Variants in TTC6 observed in about 807,000 individuals in gnomAD.
TTC6 encodes tetratricopeptide repeat domain 6, also known as tetratricopeptide repeat protein 6.
A neutral mutation model predicts 210.4 loss-of-function variants in TTC6; 172 were observed. That is an observed-to-expected ratio of 0.82 (90% CI 0.72 to 0.93). TTC6 has a LOEUF of 0.93. Among genes scored for constraint, TTC6 ranks in the 40% least tolerant of loss-of-function variants. The pLI is 0.00. For missense variants in TTC6, 2,414 were observed against 2,318.1 expected (o/e 1.04, Z -0.85); for synonymous variants, 804 against 819.6 (o/e 0.98, Z 0.32).
intron 14 of TTC6, among the ~76,000 whole-genome samples, chr14:37,768,540 C>A (rs139865940): frequency 6.6e-6 from 1 of 152,024 alleles, no homozygotes; most frequent in Non-Finnish European, 1.5e-5. Flanking sequence ...TGGATTCCTA[C>A]GTATTTTATT....
chr14:37,827,216 C>T (rs150551453), exon 29 of TTC6: 2 of 1,612,432 alleles, frequency 1.2e-6, no homozygotes, highest in African/African-American at 2.7e-5. Context: ...CAGCAGAATT[C>T]TTAACAAATC....
At chr14:37,725,312 G>GTATGTA (rs1555391404) in intron 7 of TTC6, among the ~76,000 whole-genome samples, 24 of 33,906 alleles carry the variant, frequency 7.1e-4, no homozygotes, top group African/African-American at 2.0e-3. Flanking sequence ...GTGTGTGTGT[G>GTATGTA]TATATATATA....
At chr14:37,743,539 G>A (rs1196631740) in intron 10 of TTC6, among the ~76,000 whole-genome samples, 1 of 152,190 alleles carries the variant, frequency 6.6e-6, no homozygotes, top group East Asian at 1.9e-4. Context: ...GGATGTTTAT[G>A]TGGGAATATA....
At chr14:37,760,378 T>C (rs2095980473) in intron 14 of TTC6, among the ~76,000 whole-genome samples, 1 of 152,164 alleles carries the variant, frequency 6.6e-6, no homozygotes, top group Admixed American at 6.5e-5. Context: ...GGAACCTTTG[T>C]CCCAGAGGGG....
rs112045882 is a variant in TTC6, at chr14:37,721,298, G to T, written c.1714-3600G>T. On this transcript the variant is annotated intron_variant, in intron 6 of 30. Transcript: ENST00000553443. ...TTATTTCAAATAACATCACACATTGGTTATTTGGAAAATACTCTTCAGTTA... is the reference window on the plus strand; with the variant it reads ...TTATTTCAAATAACATCACACATTGTTTATTTGGAAAATACTCTTCAGTTA... Among the ~76,000 whole-genome samples the T allele has an allele frequency of 7.5e-3, 1,145 of 152,080 alleles. 7 individuals carry two copies. Among genetic ancestry groups the T allele is most frequent in the Middle Eastern group, 0.044 (13 of 294 alleles).
At chr14:37,792,445 T>C in intron 17 of TTC6, 31 bp downstream of exon 19, 5 of 1,432,572 alleles carry the variant, frequency 3.5e-6, no homozygotes, top group Admixed American at 3.2e-5. Flanking sequence ...TTGATTTTTT[T>C]AAAAAAACTT....
At chr14:37,682,887 G>C (rs2095787020) in exon 3 of TTC6, 2 of 1,535,564 alleles carry the variant, frequency 1.3e-6, no homozygotes, top group African/African-American at 2.7e-5. Context: ...AGTTCAGCCA[G>C]CAGAGGAATT....
At chr14:37,711,145 A>G (rs1363871789) in intron 5 of TTC6, among the ~76,000 whole-genome samples, 11 of 152,148 alleles carry the variant, frequency 7.2e-5, no homozygotes, top group South Asian at 2.1e-4. Context: ...TGCCTTACCA[A>G]TGATTCTGCT....
chr14:37,762,882 CTTTT>C (rs369694046), intron 14 of TTC6, among the ~76,000 whole-genome samples: 2 of 129,596 alleles, frequency 1.5e-5, no homozygotes, highest in African/African-American at 2.9e-5. Context: ...CTTTTCTTTT[CTTTT>C]TTTTTTTTTT....
intron 14 of TTC6, among the ~76,000 whole-genome samples, chr14:37,756,680 C>T (rs1262336844): frequency 1.3e-5 from 2 of 152,168 alleles, no homozygotes; most frequent in Non-Finnish European, 2.9e-5. Flanking sequence ...ACCAGCCTTG[C>T]ATCCCAGGGA....
chr14:37,820,884 C>CTTCTCCTCCTTCTCCTCCTT (rs1566973648), intron 26 of TTC6, among the ~76,000 whole-genome samples: 1 of 144,986 alleles, frequency 6.9e-6, no homozygotes, highest in African/African-American at 2.5e-5. Context: ...TTCTCCTCCT[C>CTTCTCCTCCTTCTCCTCCTT]CTTCTCCTCC....
chr14:37,622,432 G>C (rs774200372), exon 1 of TTC6: 2 of 1,535,052 alleles, frequency 1.3e-6, no homozygotes, highest in Non-Finnish European at 1.7e-6. Flanking sequence ...TTTTACTTGC[G>C]GAGCTCCGCG....
At chr14:37,821,005 C>CTCT in intron 26 of TTC6, among the ~76,000 whole-genome samples, 1 of 97,958 alleles carries the variant, frequency 1.0e-5, no homozygotes, top group South Asian at 4.8e-4. Flanking sequence ...CTTCCTCTTG[C>CTCT]TCTTCTTCTT....
At chr14:37,765,673 C>A (rs1337257698) in intron 14 of TTC6, among the ~76,000 whole-genome samples, 1 of 152,054 alleles carries the variant, frequency 6.6e-6, no homozygotes, top group Non-Finnish European at 1.5e-5. Context: ...AAGTTTCCAT[C>A]TAGTGTCTTT....
At chr14:37,802,501 T>TGGAAGC (rs1166177412) in intron 20 of TTC6, 9 of 152,120 alleles carry the variant, frequency 5.9e-5, no homozygotes, top group African/African-American at 2.2e-4. Context: ...CCAGCCAAGT[T>TGGAAGC]TCCAGAGGAG....
At chr14:37,797,068 A>T (rs2096094438) in intron 20 of TTC6, 121 bp downstream of exon 22, 1 of 961,114 alleles carries the variant, frequency 1.0e-6, no homozygotes, top group East Asian at 3.2e-5. Flanking sequence ...TCTGTGAATT[A>T]ACATTTGGGT....
chr14:37,724,554 C>T (rs555729810), intron 6 of TTC6, among the ~76,000 whole-genome samples: 4 of 152,036 alleles, frequency 2.6e-5, no homozygotes, highest in African/African-American at 9.6e-5. Flanking sequence ...TGTGAATATC[C>T]CATACTCATC....
At chr14:37,782,289 T>C (rs1273352537) in intron 14 of TTC6, among the ~76,000 whole-genome samples, 2 of 152,220 alleles carry the variant, frequency 1.3e-5, no homozygotes, top group Admixed American at 6.5e-5. Context: ...TGTTTGTATC[T>C]TCTTTTATTT....
chr14:37,736,934 T>A (rs1404178640), intron 8 of TTC6, among the ~76,000 whole-genome samples: 1 of 152,180 alleles, frequency 6.6e-6, no homozygotes, highest in African/African-American at 2.4e-5. Context: ...TATTTTTTAT[T>A]TTTTTAGAAA....
Sources: gnomAD v4.1 joint callset for allele counts (sites outside exome capture counted in the v4.1 genomes callset) on GRCh38, gnomAD v4.1.1 for gene constraint, MANE v1.5 for transcripts, NCBI Gene and HGNC (gene_info 2026-07-23, HGNC 2026-07-21) for gene names.